KHDRBS2: variants seen among roughly 807,000 people sequenced by gnomAD.
The protein encoded by KHDRBS2 is KH domain-containing, RNA-binding, signal transduction-associated protein 2.
Under a neutral mutation model 44.3 loss-of-function variants are expected in KHDRBS2, and 26 were observed. The observed-to-expected ratio is 0.59, with a 90% CI of 0.43 to 0.81. The LOEUF (loss-of-function observed/expected upper bound fraction) is 0.81, where lower values mean the gene tolerates loss of function less well. Among genes scored for constraint, KHDRBS2 ranks in the 40% least tolerant of loss-of-function variants. The pLI, the probability that KHDRBS2 is intolerant of heterozygous loss-of-function variation, is 0.00. For synonymous variants in KHDRBS2, 194 were observed against 151.1 expected (o/e 1.28, Z -2.08); for missense variants, 476 against 433.1 (o/e 1.10, Z -0.88).
the KHDRBS2 span, among the ~76,000 whole-genome samples, chr6:61,580,996 A>C: frequency 1.5e-3 from 231 of 152,286 alleles, 1 homozygote; most frequent in Middle Eastern, 3.4e-3. Flanking sequence ...AAATAATGAA[A>C]CATAATATAG....
chr6:61,549,901 T>C, the KHDRBS2 span, among the ~76,000 whole-genome samples: 1 of 152,158 alleles, frequency 6.6e-6, no homozygotes, highest in Non-Finnish European at 1.5e-5. Context: ...TTTGGTCATT[T>C]GGAAAAATTG....
intron 7 of KHDRBS2, among the ~76,000 whole-genome samples, chr6:61,720,498 T>A (rs1156671425): frequency 1.3e-5 from 2 of 152,218 alleles, no homozygotes; most frequent in Non-Finnish European, 2.9e-5. Flanking sequence ...TACCTCATTG[T>A]GGTTTTGATT....
chr6:61,636,079 C>A, the KHDRBS2 span, among the ~76,000 whole-genome samples: 4 of 152,032 alleles, frequency 2.6e-5, no homozygotes, highest in Admixed American at 2.0e-4. Flanking sequence ...TCCGTAGTTT[C>A]TTTCAAATTA....
At chr6:61,994,404 A>T (rs1006451094) in intron 3 of KHDRBS2, among the ~76,000 whole-genome samples, 1 of 152,220 alleles carries the variant, frequency 6.6e-6, no homozygotes, top group African/African-American at 2.4e-5. Context: ...TTTTCTTAAG[A>T]ATCCTCTACC....
chr6:61,880,021 G>T (rs919441791), intron 6 of KHDRBS2, among the ~76,000 whole-genome samples: 12 of 151,798 alleles, frequency 7.9e-5, no homozygotes, highest in African/African-American at 2.4e-4. Flanking sequence ...AGCAAAGAAA[G>T]AATCAAAATA....
At chr6:61,870,804 TAACA>T (rs1170283043) in intron 6 of KHDRBS2, among the ~76,000 whole-genome samples, 1 of 151,978 alleles carries the variant, frequency 6.6e-6, no homozygotes, top group East Asian at 1.9e-4. Context: ...GAAGAAAAAC[TAACA>T]AACAGAAAGA....
chr6:61,810,215 T>C (rs923669183), intron 6 of KHDRBS2, among the ~76,000 whole-genome samples: 1 of 151,950 alleles, frequency 6.6e-6, no homozygotes, highest in African/African-American at 2.4e-5. Flanking sequence ...TCCAGAATAC[T>C]GAGAGCGAGG....
At chr6:62,095,565 T>G (rs796927798) in intron 2 of KHDRBS2, among the ~76,000 whole-genome samples, 1 of 151,900 alleles carries the variant, frequency 6.6e-6, no homozygotes, top group African/African-American at 2.4e-5. Context: ...GTATTCTTCA[T>G]GATGTTTTCA....
intron 2 of KHDRBS2, among the ~76,000 whole-genome samples, chr6:62,109,856 A>G (rs928202391): frequency 6.6e-6 from 1 of 151,922 alleles, no homozygotes; most frequent in African/African-American, 2.4e-5. Flanking sequence ...AATTTATATC[A>G]CACCATATAT....
chr6:62,259,946 G>A (rs1838055867), intron 1 of KHDRBS2, among the ~76,000 whole-genome samples: 1 of 151,966 alleles, frequency 6.6e-6, no homozygotes, highest in Admixed American at 6.6e-5. Context: ...AGTTTTATGT[G>A]GTTAACATTA....
intron 4 of KHDRBS2, among the ~76,000 whole-genome samples, chr6:61,965,025 A>G (rs1769592003): frequency 4.6e-5 from 7 of 152,082 alleles, no homozygotes; most frequent in Admixed American, 4.6e-4. Context: ...AGAATTTGTT[A>G]ATCTTTGCAC....
intron 2 of KHDRBS2, among the ~76,000 whole-genome samples, chr6:62,091,409 T>C (rs1372622210): frequency 6.6e-6 from 1 of 152,178 alleles, no homozygotes; most frequent in Non-Finnish European, 1.5e-5. Flanking sequence ...GTAATAGTAA[T>C]GTGTTTGAAG....
At chr6:61,971,113 A>G (rs1771303010) in intron 4 of KHDRBS2, among the ~76,000 whole-genome samples, 1 of 152,166 alleles carries the variant, frequency 6.6e-6, no homozygotes, top group African/African-American at 2.4e-5. Context: ...TTTGTATCAC[A>G]TTGAGTACAG....
chr6:61,929,128 A>T (rs1809527947), intron 4 of KHDRBS2, among the ~76,000 whole-genome samples: 1 of 151,600 alleles, frequency 6.6e-6, no homozygotes, highest in African/African-American at 2.4e-5. Flanking sequence ...AAAGTTGAAT[A>T]TAATGTAGGT....
At chr6:61,805,336 C>G (rs569290366) in intron 6 of KHDRBS2, among the ~76,000 whole-genome samples, 1 of 152,274 alleles carries the variant, frequency 6.6e-6, no homozygotes, top group South Asian at 2.1e-4. Flanking sequence ...TTTCATTGTT[C>G]ATATCACTAT....
chr6:61,719,688 G>A (rs1320205742), intron 7 of KHDRBS2, among the ~76,000 whole-genome samples: 1 of 152,022 alleles, frequency 6.6e-6, no homozygotes. Flanking sequence ...AAAGATGATG[G>A]TCAGAGACAC....
the KHDRBS2 span, among the ~76,000 whole-genome samples, chr6:61,586,613 A>G: frequency 6.6e-6 from 1 of 152,174 alleles, no homozygotes; most frequent in Non-Finnish European, 1.5e-5. Flanking sequence ...TCTTGATATC[A>G]ATCTATGACA....
At chr6:61,672,446 G>T in the KHDRBS2 span, among the ~76,000 whole-genome samples, 3 of 152,050 alleles carry the variant, frequency 2.0e-5, no homozygotes, top group Non-Finnish European at 4.4e-5. Flanking sequence ...GGCTGAACTA[G>T]TTTACAGTCC....
intron 2 of KHDRBS2, among the ~76,000 whole-genome samples, chr6:62,108,592 A>C (rs530845221): frequency 1.3e-5 from 2 of 152,304 alleles, no homozygotes; most frequent in East Asian, 1.9e-4. Context: ...CCATCCCATT[A>C]CTGGGTATAT....
Sources: allele counts gnomAD v4.1 joint callset (sites outside exome capture counted in the v4.1 genomes callset), GRCh38; gene constraint gnomAD v4.1.1; transcripts MANE v1.5; gene names NCBI Gene and HGNC (gene_info 2026-07-23, HGNC 2026-07-21).